NCOA1: variants seen among roughly 807,000 people sequenced by gnomAD.
The protein encoded by NCOA1 is Hin-2 protein.
Under a neutral mutation model 150.9 loss-of-function variants are expected in NCOA1, and 35 were observed. The observed-to-expected ratio is 0.23, with a 90% CI of 0.18 to 0.31. The LOEUF (loss-of-function observed/expected upper bound fraction) is 0.31, where lower values mean the gene tolerates loss of function less well. NCOA1 is among the 10% of genes least tolerant of loss of function. The probability of loss-of-function intolerance (pLI) is 1.00; values close to 1 mark genes in which losing one functional copy is unlikely to be tolerated. For synonymous variants in NCOA1, 590 were observed against 630.0 expected, an observed-to-expected ratio of 0.94 and a Z score of 0.95; for missense variants, 1,491 against 1,749.3, an observed-to-expected ratio of 0.85 and a Z score of 2.63.
At chr2:24,701,779 G>A (rs1056066477) in intron 11 of NCOA1, among the ~76,000 whole-genome samples, 1 of 152,222 alleles carries the variant, frequency 6.6e-6, no homozygotes, top group Non-Finnish European at 1.5e-5. Flanking sequence ...GAGAGGCTGA[G>A]GTGTGAGGAT....
At chr2:24,648,725 A>G (rs1670585333) in intron 4 of NCOA1, among the ~76,000 whole-genome samples, 1 of 152,096 alleles carries the variant, frequency 6.6e-6, no homozygotes, top group African/African-American at 2.4e-5. Context: ...TGGCTCTATG[A>G]CTTTGGTACT....
chr2:24,550,006 A>G, intron 1 of NCOA1, among the ~76,000 whole-genome samples: 1 of 152,236 alleles, frequency 6.6e-6, no homozygotes, highest in East Asian at 1.9e-4. Context: ...CCTCCAGGGC[A>G]GGGGCAACAT....
At position 24,729,834 on chromosome 2, in the gene NCOA1, C is replaced by T; in HGVS notation, c.3201+19C>T. ...ACAGCAGGTAAGTGCTCTTGTTTAG[C>T]AGTTGATACTTTTTTTTTTTTTGAG... On this transcript the variant is annotated intron_variant, in intron 17 of 22. Transcript: ENST00000348332. The T allele has an allele frequency of 1.9e-6, 3 of 1,589,348 alleles. No individual in the cohort carries two copies. Among genetic ancestry groups the T allele is most frequent in the South Asian group, 2.3e-5 (2 of 88,480 alleles).
At chr2:24,515,040 G>A (rs1222240222) in intron 1 of NCOA1, among the ~76,000 whole-genome samples, 4 of 152,110 alleles carry the variant, frequency 2.6e-5, no homozygotes, top group Non-Finnish European at 4.4e-5. Flanking sequence ...TGGACTCCAG[G>A]CATTGGAATA....
intron 11 of NCOA1, among the ~76,000 whole-genome samples, chr2:24,698,984 C>A (rs1673030496): frequency 6.6e-6 from 1 of 152,118 alleles, no homozygotes; most frequent in African/African-American, 2.4e-5. Context: ...AGACTTATAC[C>A]ACCTCCTAAG....
intron 3 of NCOA1, among the ~76,000 whole-genome samples, chr2:24,621,708 G>A (rs1237337382): frequency 6.6e-6 from 1 of 152,098 alleles, no homozygotes; most frequent in Non-Finnish European, 1.5e-5. Context: ...TCAAACTCCA[G>A]ACCTCGGGTG....
chr2:24,764,616 G>A (rs1335292862), intron 22 of NCOA1, among the ~76,000 whole-genome samples: 2 of 152,202 alleles, frequency 1.3e-5, no homozygotes, highest in African/African-American at 4.8e-5. Context: ...CAAATCAACT[G>A]AAGGTAAAGG....
chr2:24,765,896 C>CTTTTTTTTTTTTTTTTT lies in NCOA1; in HGVS notation c.4156-2322_4156-2306dup, dbSNP rs773857143. 3.6e-4 allele frequency among the ~76,000 whole-genome samples: 46 copies of CTTTTTTTTTTTTTTTTT among 128,044 alleles called. 1 individual carries two copies. Among genetic ancestry groups the CTTTTTTTTTTTTTTTTT allele is most frequent in the East Asian group, 9.0e-4 (4 of 4,438 alleles). 84.0% of individuals were successfully genotyped at this position (128,044 alleles called of 152,430 possible). The stretch of plus-strand genomic sequence containing the variant: ...AGTTTTCTGTAATTTCAATAATACA[C>CTTTTTTTTTTTTTTTTT]TTTTTTTTTTTTTTTTTTTGAGACG... On this transcript the variant is annotated intron_variant, in intron 22 of 22. Transcript: ENST00000348332.
chr2:24,549,435 A>T (rs573238646), intron 1 of NCOA1, among the ~76,000 whole-genome samples: 1 of 152,120 alleles, frequency 6.6e-6, no homozygotes, highest in African/African-American at 2.4e-5. Context: ...CATTTTCCCC[A>T]TGTCTTGGTG....
intron 7 of NCOA1, among the ~76,000 whole-genome samples, chr2:24,674,497 C>T (rs1671820871): frequency 6.6e-6 from 1 of 152,122 alleles, no homozygotes; most frequent in African/African-American, 2.4e-5. Context: ...TGAGCCACTG[C>T]GCCCGGCCTA....
chr2:24,579,833 G>T (rs1667129240), intron 2 of NCOA1, among the ~76,000 whole-genome samples: 1 of 152,168 alleles, frequency 6.6e-6, no homozygotes. Flanking sequence ...TTGAAAACAA[G>T]CTTCAAGTTA....
intron 3 of NCOA1, among the ~76,000 whole-genome samples, chr2:24,599,392 T>C (rs986786799): frequency 6.6e-6 from 1 of 152,198 alleles, no homozygotes; most frequent in African/African-American, 2.4e-5. Flanking sequence ...TTTGAAGATA[T>C]CAGATATATC....
At chr2:24,526,211 T>G (rs977684746) in intron 1 of NCOA1, among the ~76,000 whole-genome samples, 4 of 152,156 alleles carry the variant, frequency 2.6e-5, no homozygotes, top group Non-Finnish European at 4.4e-5. Flanking sequence ...TGGTTCAGAT[T>G]AGAATGGGTC....
chr2:24,639,924 A>ATATG (rs1670117431), intron 3 of NCOA1, among the ~76,000 whole-genome samples: 1 of 11,422 alleles, frequency 8.8e-5, no homozygotes, highest in Non-Finnish European at 1.7e-4. Context: ...GTGTATATAT[A>ATATG]TATATATATA....
At chr2:24,599,145 G>T (rs1668001852) in intron 3 of NCOA1, among the ~76,000 whole-genome samples, 1 of 152,160 alleles carries the variant, frequency 6.6e-6, no homozygotes, top group African/African-American at 2.4e-5. Flanking sequence ...TTGTAAGAAT[G>T]ATGTTGTTAA....
chr2:24,768,156 G>A, intron 22 of NCOA1, 65 bp from the exon 23 acceptor site: 2 of 1,613,782 alleles, frequency 1.2e-6, no homozygotes, highest in Non-Finnish European at 1.7e-6. Flanking sequence ...ACTTCAAGTA[G>A]TACCCACTCA....
At position 24,758,099 on chromosome 2, in the gene NCOA1, C is replaced by T. The variant is rs1455287547; in HGVS notation, c.4008C>T (p.Ala1336=). 5 of 1,613,914 alleles carry T rather than the reference C, an allele frequency of 3.1e-6. No individual in the cohort carries two copies. Among genetic ancestry groups the T allele is most frequent in the Non-Finnish European group, 4.2e-6 (5 of 1,180,022 alleles). ...TTCAGAACATGAACCCAATGATGGC[C>T]CAGATGCAGATGAGCTCTTTGCAGA... The part of the protein sequence containing the change: ...TNVQNMNPMM[A]QMQMSSLQMP... The change falls in exon 21 of 23, where the codon GCC becomes GCT. Residue 1336 remains alanine, a synonymous_variant. Coordinates refer to ENST00000348332, the MANE Select transcript of NCOA1 (RefSeq NM_003743.5).
At chr2:24,503,884 A>G (rs2148081881) in intron 1 of NCOA1, among the ~76,000 whole-genome samples, 1 of 152,034 alleles carries the variant, frequency 6.6e-6, no homozygotes. Flanking sequence ...TCAGATGTGT[A>G]CCACCACACA....
At chr2:24,716,143 CAAAAA>C (rs35089767) in intron 14 of NCOA1, among the ~76,000 whole-genome samples, 1 of 85,364 alleles carries the variant, frequency 1.2e-5, no homozygotes. Context: ...GACTCCGTCT[CAAAAA>C]AAAAAAAAAA....
Sources: gnomAD v4.1 joint callset for allele counts (sites outside exome capture counted in the v4.1 genomes callset) on GRCh38, gnomAD v4.1.1 for gene constraint, MANE v1.5 for transcripts, NCBI Gene and HGNC (gene_info 2026-07-23, HGNC 2026-07-21) for gene names.